The following CRB1 variants were observed in gnomAD, a reference collection of about 807,000 sequenced individuals.
The protein encoded by CRB1 is crumbs cell polarity complex component 1, also known as protein crumbs homolog 1.
CRB1 carries 83 observed loss-of-function variants against 120.0 expected under a neutral mutation model. That is an observed-to-expected ratio of 0.69 (90% CI 0.58 to 0.83). The LOEUF (loss-of-function observed/expected upper bound fraction) is 0.83. Ranked by LOEUF, CRB1 falls within the 40% of genes least tolerant of loss-of-function variation. CRB1 has a pLI of 0.00. For synonymous variants in CRB1, 625 were observed against 612.5 expected, an observed-to-expected ratio of 1.02 and a Z score of -0.30; for missense variants, 1,699 against 1,687.6, an observed-to-expected ratio of 1.01 and a Z score of -0.12.
At chr1:197,417,595 G>A (rs1279399212) in intron 5 of CRB1, among the ~76,000 whole-genome samples, 9 of 152,182 alleles carry the variant, frequency 5.9e-5, no homozygotes, top group Admixed American at 2.6e-4. Context: ...GAGAGGCAAC[G>A]TCTGCCTGCC....
At chr1:197,234,972 T>A in the CRB1 span, among the ~76,000 whole-genome samples, 2 of 152,340 alleles carry the variant, frequency 1.3e-5, no homozygotes, top group South Asian at 4.1e-4. Flanking sequence ...GCTGCTGGCC[T>A]GACAGAATGA....
chr1:197,332,563 G>A (rs1331464476), intron 2 of CRB1, among the ~76,000 whole-genome samples: 1 of 151,990 alleles, frequency 6.6e-6, no homozygotes, highest in Non-Finnish European at 1.5e-5. Flanking sequence ...AAAAAAAAAT[G>A]CAGTCATAGG....
At chr1:197,264,224 G>T (rs750994674), upstream of CRB1, among the ~76,000 whole-genome samples, 4 of 152,128 alleles carry the variant, frequency 2.6e-5, no homozygotes, top group Non-Finnish European at 5.9e-5. Flanking sequence ...AGAACATGCG[G>T]TATTTGTTTT....
intron 4 of CRB1, among the ~76,000 whole-genome samples, chr1:197,352,763 G>A (rs557913065): frequency 1.4e-5 from 2 of 140,530 alleles, no homozygotes; most frequent in East Asian, 4.1e-4. Context: ...GGGTCTTTTT[G>A]TAAAAAATAT....
At chr1:197,438,328 G>T (rs1433421976) in intron 9 of CRB1, among the ~76,000 whole-genome samples, 1 of 152,162 alleles carries the variant, frequency 6.6e-6, no homozygotes, top group Non-Finnish European at 1.5e-5. Flanking sequence ...TGTAGAAATG[G>T]AAGATGTATA....
At chr1:197,222,745 T>C in the CRB1 span, 1 of 941,588 alleles carries the variant, frequency 1.1e-6, no homozygotes. Context: ...AACAATGGAG[T>C]TGACTTGCTC....
intron 8 of CRB1, among the ~76,000 whole-genome samples, chr1:197,430,967 G>T (rs954155314): frequency 7.9e-5 from 12 of 152,132 alleles, no homozygotes; most frequent in African/African-American, 2.9e-4. Context: ...TTAGGAGGCA[G>T]AAGTGGGAGG....
chr1:197,279,515 T>A (rs1463437092), intron 1 of CRB1, among the ~76,000 whole-genome samples: 2 of 150,358 alleles, frequency 1.3e-5, no homozygotes, highest in East Asian at 1.9e-4. Context: ...TTATATCAAA[T>A]TTTTTTTTGT....
At chr1:197,291,961 A>G (rs1012461330) in intron 1 of CRB1, among the ~76,000 whole-genome samples, 2 of 152,104 alleles carry the variant, frequency 1.3e-5, no homozygotes, top group Admixed American at 6.6e-5. Context: ...CACAAGAGAA[A>G]GCAGGAAAGA....
At chr1:197,328,301 T>A (rs1051479044) in intron 1 of CRB1, 121 bp from the exon 2 acceptor site, 1 of 752,362 alleles carries the variant, frequency 1.3e-6, no homozygotes, top group Non-Finnish European at 2.2e-6. Flanking sequence ...TTCATTAGGA[T>A]GAACCCAACT....
At chr1:197,348,767 C>A (rs925588634) in intron 4 of CRB1, among the ~76,000 whole-genome samples, 1 of 152,132 alleles carries the variant, frequency 6.6e-6, no homozygotes, top group African/African-American at 2.4e-5. Context: ...TAAGCCACTG[C>A]GCCTGGCCCA....
the CRB1 span, among the ~76,000 whole-genome samples, chr1:197,259,061 T>A: frequency 6.6e-6 from 1 of 152,212 alleles, no homozygotes; most frequent in Non-Finnish European, 1.5e-5. Context: ...GAAATAGGAA[T>A]GCTTTTACAC....
At chr1:197,338,798 ATATT>A (rs1659296625) in intron 2 of CRB1, among the ~76,000 whole-genome samples, 1 of 152,244 alleles carries the variant, frequency 6.6e-6, no homozygotes, top group African/African-American at 2.4e-5. Flanking sequence ...AGCATTAATA[ATATT>A]TATAAAGACA....
intron 8 of CRB1, 124 bp downstream of exon 8, chr1:197,429,738 C>G: frequency 9.7e-7 from 1 of 1,032,842 alleles, no homozygotes; most frequent in East Asian, 2.6e-5. Context: ...GGTTGTTTCC[C>G]CTATGCGAGT....
At chr1:197,240,746 G>A in the CRB1 span, among the ~76,000 whole-genome samples, 1 of 152,124 alleles carries the variant, frequency 6.6e-6, no homozygotes, top group African/African-American at 2.4e-5. Context: ...GGGATTGCTG[G>A]GTCAAATGGT....
chr1:197,437,832 G>T (rs893286306), intron 9 of CRB1: 2 of 152,892 alleles, frequency 1.3e-5, no homozygotes, highest in African/African-American at 4.8e-5. Flanking sequence ...AAGGGCCTAA[G>T]CAACACTATT....
intron 1 of CRB1, among the ~76,000 whole-genome samples, chr1:197,312,405 A>C (rs1400434181): frequency 6.6e-6 from 1 of 152,138 alleles, no homozygotes; most frequent in Non-Finnish European, 1.5e-5. Context: ...CTCTACTAAA[A>C]ATACAAAAAA....
chr1:197,281,210 T>C (rs1655503252), intron 1 of CRB1, among the ~76,000 whole-genome samples: 1 of 151,824 alleles, frequency 6.6e-6, no homozygotes, highest in Non-Finnish European at 1.5e-5. Context: ...ACAGTGCATT[T>C]GGGACTTAAT....
Position 197,477,685 on chromosome 1 carries a change from G to A in CRB1, c.4027G>A (p.Asp1343Asn), listed in dbSNP as rs771181041. The A allele has an allele frequency of 1.2e-5, 19 of 1,613,586 alleles. No homozygotes were observed. In the Admixed American group the frequency reaches 2.3e-4, roughly 20 times the overall value. Residue 1343 changes from aspartate (D) to asparagine (N), a missense_variant, in exon 12 of 12, where the codon GAC (aspartate) becomes AAC (asparagine). Physicochemically the swap from Asp to Asn is conservative, Grantham distance 23 (BLOSUM62 1). Transcript: ENST00000367400. ...EVDLADDLIS[D>N]IFTTIGSVTV... ...CCAGTTGGCAGATGACTTGATCTCC[G>A]ACATTTTCACCACTATTGGCTCAGT... is the stretch of plus-strand genomic sequence containing the variant.
Sources: allele counts gnomAD v4.1 joint callset (sites outside exome capture counted in the v4.1 genomes callset), GRCh38; gene constraint gnomAD v4.1.1; transcripts MANE v1.5; gene names NCBI Gene and HGNC (gene_info 2026-07-23, HGNC 2026-07-21).